SEM1: variants seen among roughly 807,000 people sequenced by gnomAD.
SEM1 encodes the protein SEM1 26S proteasome subunit.
SEM1 carries 3 observed loss-of-function variants against 12.7 expected under a neutral mutation model. The ratio of observed to expected loss-of-function variants is 0.24; its 90% CI spans 0.11 to 0.61. The LOEUF is 0.61. Among genes scored for constraint, SEM1 ranks in the 20% least tolerant of loss-of-function variants. The pLI is 0.88. For synonymous variants in SEM1, 30 were observed against 27.8 expected, an observed-to-expected ratio of 1.08 and a Z score of -0.25; for missense variants, 59 against 81.3, an observed-to-expected ratio of 0.73 and a Z score of 1.06.
At chr7:96,681,085 T>A (rs1261476013) in intron 2 of SEM1, among the ~76,000 whole-genome samples, 1 of 152,120 alleles carries the variant, frequency 6.6e-6, no homozygotes, top group Non-Finnish European at 1.5e-5. Flanking sequence ...AGCAACTGCA[T>A]GTAGTTTAAT....
intron 1 of SEM1, among the ~76,000 whole-genome samples, chr7:96,704,235 TAA>T (rs1289455384): frequency 1.3e-5 from 2 of 152,040 alleles, no homozygotes; most frequent in African/African-American, 4.8e-5. Flanking sequence ...GTACAATTTA[TAA>T]ATACATTCTG....
At chr7:96,611,427 G>A (rs1170081517) in intron 2 of SEM1, among the ~76,000 whole-genome samples, 4 of 152,190 alleles carry the variant, frequency 2.6e-5, no homozygotes, top group Non-Finnish European at 4.4e-5. Context: ...GTTAAAAAGG[G>A]CTGGCAAGTC....
chr7:96,584,804 G>T (rs1334948171), intron 2 of SEM1, among the ~76,000 whole-genome samples: 4 of 151,968 alleles, frequency 2.6e-5, no homozygotes, highest in African/African-American at 7.3e-5. Flanking sequence ...CTCGAGCCTT[G>T]GTTTTCAGCT....
chr7:96,689,064 A>G, intron 2 of SEM1, 98 bp from the exon 3 acceptor site: 1 of 715,536 alleles, frequency 1.4e-6, no homozygotes, highest in South Asian at 1.9e-5. Flanking sequence ...GCTATGCCTG[A>G]GACATCAATT....
chr7:96,580,845 G>A (rs1349821781), intron 2 of SEM1, among the ~76,000 whole-genome samples: 1 of 152,160 alleles, frequency 6.6e-6, no homozygotes, highest in East Asian at 1.9e-4. Flanking sequence ...ATTTGTTTGA[G>A]TTCATTGTAG....
chr7:96,549,929 T>C (rs1805216378), intron 2 of SEM1, among the ~76,000 whole-genome samples: 2 of 152,162 alleles, frequency 1.3e-5, no homozygotes, highest in Admixed American at 1.3e-4. Flanking sequence ...TATTACTTAA[T>C]GGTTTAATTT....
At chr7:96,569,104 G>A (rs1291566127) in intron 2 of SEM1, among the ~76,000 whole-genome samples, 1 of 151,730 alleles carries the variant, frequency 6.6e-6, no homozygotes, top group African/African-American at 2.4e-5. Context: ...TTTAAGATGC[G>A]ACCCCGTTGT....
At chr7:96,673,938 G>A in intron 2 of SEM1, 1 of 722,628 alleles carries the variant, frequency 1.4e-6, no homozygotes, top group East Asian at 2.5e-5. Context: ...CACAGCATAA[G>A]CCTGGCCCAT....
chr7:96,573,229 G>A (rs547639121), intron 2 of SEM1, among the ~76,000 whole-genome samples: 110 of 151,828 alleles, frequency 7.2e-4, no homozygotes, highest in African/African-American at 2.5e-3. Context: ...GATGGGTCTC[G>A]ACTCTATCCC....
At chr7:96,482,394 C>G (rs898980494) in exon 4 of SEM1, 7 of 152,148 alleles carry the variant, frequency 4.6e-5, no homozygotes, top group Non-Finnish European at 1.0e-4. Context: ...TTGCCCAGAT[C>G]TATGAAAAGT....
intron 2 of SEM1, among the ~76,000 whole-genome samples, chr7:96,591,469 C>T (rs1210123730): frequency 6.6e-6 from 1 of 152,130 alleles, no homozygotes; most frequent in Non-Finnish European, 1.5e-5. Flanking sequence ...TTATATATTT[C>T]CAAGGAGAGT....
At chr7:96,662,652 A>G (rs10224032) in intron 2 of SEM1, among the ~76,000 whole-genome samples, 50,292 of 151,742 alleles carry the variant, frequency 0.33, 9,792 homozygotes, top group African/African-American at 0.56. Context: ...AAACCTGCAC[A>G]TTCTGCACAT....
chr7:96,492,510 A>G (rs761187739), intron 1 of SEM1, among the ~76,000 whole-genome samples: 13 of 151,514 alleles, frequency 8.6e-5, no homozygotes, highest in Non-Finnish European at 1.8e-4. Context: ...CCCAGGCCCA[A>G]GTGATCATCC....
At chr7:96,655,442 C>CT (rs72335497) in intron 2 of SEM1, among the ~76,000 whole-genome samples, 5,338 of 137,648 alleles carry the variant, frequency 0.039, 149 homozygotes, top group Middle Eastern at 0.05. Flanking sequence ...ATGCAAATAC[C>CT]TTTTTTTTTT....
At chr7:96,653,368 T>C (rs994702696) in intron 2 of SEM1, among the ~76,000 whole-genome samples, 1 of 152,222 alleles carries the variant, frequency 6.6e-6, no homozygotes, top group Non-Finnish European at 1.5e-5. Context: ...CTTATTGGGA[T>C]CTACAGAGAT....
chr7:96,546,816 T>A (rs1054454293), intron 2 of SEM1, among the ~76,000 whole-genome samples: 2 of 152,124 alleles, frequency 1.3e-5, no homozygotes, highest in African/African-American at 2.4e-5. Context: ...TGTTTAAGGA[T>A]AAACTGTCAT....
chr7:96,622,927 T>A (rs190227653), intron 2 of SEM1: 155 of 359,582 alleles, frequency 4.3e-4, no homozygotes, highest in African/African-American at 2.9e-3. Context: ...TTGACATCTG[T>A]GATGGTTAAT....
At chr7:96,696,410 G>A (rs1373841113) in intron 1 of SEM1, 3 of 151,888 alleles carry the variant, frequency 2.0e-5, no homozygotes, top group Admixed American at 6.6e-5. Context: ...CAAATTCTTC[G>A]TTAATTATCT....
At chr7:96,656,580 T>C (rs1218956707) in intron 2 of SEM1, 6 of 146,450 alleles carry the variant, frequency 4.1e-5, no homozygotes, top group Non-Finnish European at 9.0e-5. Context: ...AGAGTCAGTT[T>C]AGGACCTAGT....
Sources: allele counts gnomAD v4.1 joint callset (sites outside exome capture counted in the v4.1 genomes callset), GRCh38; gene constraint gnomAD v4.1.1; transcripts MANE v1.5; gene names NCBI Gene and HGNC (gene_info 2026-07-23, HGNC 2026-07-21).